LRRC53: variants seen among roughly 807,000 people sequenced by gnomAD.
The protein encoded by LRRC53 is leucine rich repeat containing 53.
Under a neutral mutation model 13.6 loss-of-function variants are expected in LRRC53, and 25 were observed. The observed-to-expected ratio is 1.83, with a 90% CI of 1.34 to 2.56. The LOEUF is 2.56. Among genes scored for constraint, LRRC53 ranks in the 30% most tolerant of loss-of-function variants. The pLI is 0.00. For synonymous variants in LRRC53, 204 were observed against 109.8 expected, an observed-to-expected ratio of 1.86 and a Z score of -5.37; for missense variants, 527 against 275.8, an observed-to-expected ratio of 1.91 and a Z score of -6.45.
chr1:74,503,956 A>C (rs1305610837), intron 1 of LRRC53, among the ~76,000 whole-genome samples: 1 of 152,194 alleles, frequency 6.6e-6, no homozygotes, highest in Non-Finnish European at 1.5e-5. Flanking sequence ...AAATTAAAGA[A>C]AGTGGGGAGT....
chr1:74,525,039 CT>C, the LRRC53 span, among the ~76,000 whole-genome samples: 1 of 152,064 alleles, frequency 6.6e-6, no homozygotes, highest in Non-Finnish European at 1.5e-5. Flanking sequence ...GAGCTGGACA[CT>C]GGGGAAAGAG....
At chr1:74,502,774 T>G (rs575473823) in intron 1 of LRRC53, among the ~76,000 whole-genome samples, 12 of 152,318 alleles carry the variant, frequency 7.9e-5, no homozygotes, top group African/African-American at 2.9e-4. Flanking sequence ...ATAAATCACC[T>G]GCCTGTGCTG....
the LRRC53 span, among the ~76,000 whole-genome samples, chr1:74,520,388 T>G: frequency 1.3e-5 from 2 of 152,032 alleles, no homozygotes; most frequent in Non-Finnish European, 2.9e-5. Flanking sequence ...CCACCTTTCT[T>G]CCTCAGCCCC....
chr1:74,483,701 G>T (rs1668612087), intron 1 of LRRC53, among the ~76,000 whole-genome samples: 1 of 152,096 alleles, frequency 6.6e-6, no homozygotes, highest in African/African-American at 2.4e-5. Flanking sequence ...TTTTAATTCT[G>T]CAACCCAATT....
At chr1:74,489,173 T>C (rs1381768015) in intron 1 of LRRC53, 3 of 1,581,008 alleles carry the variant, frequency 1.9e-6, no homozygotes, top group Non-Finnish European at 2.6e-6. Context: ...AAAAAAGTTC[T>C]TTTTTCTATT....
intron 3 of LRRC53, among the ~76,000 whole-genome samples, chr1:74,477,621 G>C (rs76061180): frequency 9.9e-5 from 15 of 152,146 alleles, no homozygotes; most frequent in Non-Finnish European, 8.8e-5. Context: ...TTGATTATAG[G>C]ATACAGTTTC....
intron 1 of LRRC53, among the ~76,000 whole-genome samples, chr1:74,498,906 A>C (rs2100332395): frequency 6.6e-6 from 1 of 152,330 alleles, no homozygotes; most frequent in South Asian, 2.1e-4. Flanking sequence ...TGTTCCTTCA[A>C]AGGTAGATTT....
In LRRC53 at chr1:74,492,028, A is replaced by G. The variant is rs550089495; in HGVS notation, c.-26-8653T>C. 180 of 1,388,764 alleles carry G rather than the reference A, an allele frequency of 1.3e-4. 1 individual carries two copies. In the African/African-American group the frequency reaches 2.4e-3, roughly 19 times the overall value. 86.0% of individuals were successfully genotyped at this position (1,388,764 alleles called of 1,614,324 possible). A position where few individuals can be genotyped will look rare whatever the true frequency, so the allele number is the denominator to read the frequency against. ...AACCTTGGAATAGAAAGTTAAATCC[A>G]TATTTTATGTTATGTCTTCACACCT... is the stretch of plus-strand genomic sequence containing the variant. On this transcript the variant is annotated intron_variant, in intron 1 of 4. Coordinates refer to ENST00000294635, the MANE Select transcript of LRRC53 (RefSeq NM_001382280.1).
intron 1 of LRRC53, among the ~76,000 whole-genome samples, chr1:74,485,811 A>C (rs908878477): frequency 6.6e-6 from 1 of 152,162 alleles, no homozygotes; most frequent in African/African-American, 2.4e-5. Flanking sequence ...CTAGAATTTG[A>C]GAGTCATTTC....
chr1:74,520,464 A>T, the LRRC53 span, among the ~76,000 whole-genome samples: 1 of 151,766 alleles, frequency 6.6e-6, no homozygotes, highest in Non-Finnish European at 1.5e-5. Context: ...CGACCTTCTC[A>T]TTTCTGAGGC....
the LRRC53 span, among the ~76,000 whole-genome samples, chr1:74,521,830 G>A: frequency 6.6e-6 from 1 of 152,250 alleles, no homozygotes; most frequent in African/African-American, 2.4e-5. Context: ...TAAGTGTTTT[G>A]ATCCCTGAGA....
intron 4 of LRRC53, among the ~76,000 whole-genome samples, chr1:74,473,819 G>T (rs1340214676): frequency 6.6e-6 from 1 of 152,124 alleles, no homozygotes; most frequent in African/African-American, 2.4e-5. Context: ...TGTAGCCTTT[G>T]TCAGAGTCTC....
chr1:74,499,914 G>A (rs1669521711), intron 1 of LRRC53, among the ~76,000 whole-genome samples: 1 of 151,950 alleles, frequency 6.6e-6, no homozygotes, highest in South Asian at 2.1e-4. Context: ...AAATCGTTTG[G>A]ACTAATTGCA....
At position 74,480,983 on chromosome 1, in the gene LRRC53, G is replaced by T. The variant is rs1008182284; in HGVS notation, c.89-15C>A. On this transcript the variant is annotated splice_polypyrimidine_tract_variant and intron_variant, in intron 2 of 4. Transcript: ENST00000294635. ...CATAGGGGCTGCTGTGGGGAAAAAA[G>T]CACAGACTAGATGCAGGGTACACAT... 2 of 697,542 alleles carry T rather than the reference G, an allele frequency of 2.9e-6. No homozygotes were observed. Among genetic ancestry groups the T allele is most frequent in the African/African-American group, 1.8e-5 (1 of 56,990 alleles). 43.2% of individuals were successfully genotyped at this position (697,542 alleles called of 1,614,324 possible).
chr1:74,491,344 C>A (rs1162617932), intron 1 of LRRC53, among the ~76,000 whole-genome samples: 2 of 152,150 alleles, frequency 1.3e-5, no homozygotes, highest in Non-Finnish European at 2.9e-5. Context: ...CTCAGCCTCC[C>A]CAGTAGCTGG....
intron 1 of LRRC53, among the ~76,000 whole-genome samples, chr1:74,504,704 G>A (rs560814510): frequency 1.3e-5 from 2 of 152,158 alleles, no homozygotes; most frequent in Non-Finnish European, 2.9e-5. Flanking sequence ...GAGTGAGCGA[G>A]TGACATATTT....
chr1:74,480,838 C>T lies in LRRC53; in HGVS notation c.219G>A (p.Gln73=), dbSNP rs1466424372. Residue 73 remains glutamine, a synonymous_variant, in exon 3 of 5, where the codon CAG becomes CAA. Transcript: ENST00000294635. Reference sequence around the variant, plus strand: ...TCGTAAGCCCATGCAGGGCATCTTCCTGAACATCCTCGATACCATTTCTGC... The same window carrying T: ...TCGTAAGCCCATGCAGGGCATCTTCTTGAACATCCTCGATACCATTTCTGC... ...SLSRNGIEDV[Q]EDALHGLTML... is the part of the protein sequence containing the mutation. 1 of 717,416 alleles carries T rather than the reference C, an allele frequency of 1.4e-6. No individual in the cohort carries two copies. The highest frequency in any genetic ancestry group is 1.7e-5 in the African/African-American group (1 of 57,256). 44.4% of individuals were successfully genotyped at this position (717,416 alleles called of 1,614,324 possible).
chr1:74,529,570 T>C, the LRRC53 span, among the ~76,000 whole-genome samples: 1 of 152,224 alleles, frequency 6.6e-6, no homozygotes, highest in African/African-American at 2.4e-5. Flanking sequence ...AAAACTTGAA[T>C]GGCGTCTGAG....
In LRRC53 at chr1:74,470,481, G is replaced by A. The variant is rs953870151; in HGVS notation, c.3141C>T (p.Ala1047=). The change falls in exon 5 of 5, where the codon GCC becomes GCT. Residue 1047 remains alanine, a synonymous_variant. Coordinates refer to ENST00000294635, the MANE Select transcript of LRRC53 (RefSeq NM_001382280.1). ...CGCTACTATTGGTTAGGTGCCAAAC[G>A]GCTTGACTACTAACAGGAGAAGTAC... The part of the protein sequence containing the change: ...DISTSPVSSQ[A]VWHLTNSSEK... The A allele has an allele frequency of 2.0e-5, 8 of 400,578 alleles. No homozygotes were observed. Among genetic ancestry groups the A allele is most frequent in the Middle Eastern group, 3.1e-4 (1 of 3,220 alleles). The allele number at this position is 400,578 out of a possible 1,614,324, so 24.8% of individuals were successfully genotyped here.
Sources: allele counts gnomAD v4.1 joint callset (sites outside exome capture counted in the v4.1 genomes callset), GRCh38; gene constraint gnomAD v4.1.1; transcripts MANE v1.5; gene names NCBI Gene and HGNC (gene_info 2026-07-23, HGNC 2026-07-21).